The following KCNT2 variants were observed in gnomAD, a reference collection of about 807,000 sequenced individuals.
KCNT2 encodes potassium channel subfamily T member 2.
A neutral mutation model predicts 153.8 loss-of-function variants in KCNT2; 67 were observed. The observed-to-expected ratio is 0.44, with a 90% CI of 0.36 to 0.53. The LOEUF (loss-of-function observed/expected upper bound fraction) is 0.53. Ranked by LOEUF, KCNT2 falls within the 20% of genes least tolerant of loss-of-function variation. The pLI, the probability that KCNT2 is intolerant of heterozygous loss-of-function variation, is 0.00. For missense variants in KCNT2, 975 were observed against 1,354.8 expected, an observed-to-expected ratio of 0.72 and a Z score of 4.40; for synonymous variants, 500 against 458.8, an observed-to-expected ratio of 1.09 and a Z score of -1.15.
intron 16 of KCNT2, among the ~76,000 whole-genome samples, chr1:196,338,976 GAGA>G (rs1257387494): frequency 1.1e-4 from 16 of 139,158 alleles, no homozygotes; most frequent in African/African-American, 4.0e-4. Context: ...AAAAAAAAAG[GAGA>G]AGGAGAAAAA....
In KCNT2 at chr1:196,258,199, C is replaced by A. The variant is rs751522470; in HGVS notation, c.3206G>T (p.Gly1069Val). 1 of 1,613,478 alleles carries A rather than the reference C, an allele frequency of 6.2e-7. No homozygotes were observed. The highest frequency in any genetic ancestry group is 1.3e-5 in the African/African-American group (1 of 75,028). Residue 1069 changes from glycine (G) to valine (V), a missense_variant, in exon 26 of 28, where the codon GGA (glycine) becomes GTA (valine). Physicochemically the swap from Gly to Val is moderately radical, Grantham distance 109. Around this residue, in one of 6 missense-constraint regions of KCNT2, gnomAD observed 241 missense variants for 271.1 expected, o/e 0.89. Transcript: ENST00000294725. ...GTAGTTTTTAAAGAGCATACCATAT[C>A]CCACTGTAGAAAGACCCAAGTGTTT... ...RMKHLGLSTV[G>V]YDEMNDHQST...
chr1:196,436,214 G>T (rs956072006), intron 8 of KCNT2, among the ~76,000 whole-genome samples: 1 of 151,368 alleles, frequency 6.6e-6, no homozygotes, highest in East Asian at 1.9e-4. Flanking sequence ...TATTCTTTTG[G>T]TTACTGGCAA....
intron 22 of KCNT2, among the ~76,000 whole-genome samples, chr1:196,295,438 G>C (rs980814871): frequency 6.6e-6 from 1 of 150,930 alleles, no homozygotes; most frequent in Admixed American, 6.6e-5. Context: ...AACAGGCAAA[G>C]TCAACATTAA....
chr1:196,592,188 A>G (rs915805350), intron 1 of KCNT2, among the ~76,000 whole-genome samples: 3 of 152,110 alleles, frequency 2.0e-5, no homozygotes, highest in South Asian at 2.1e-4. Context: ...AGCCATAAAA[A>G]AAAATGAGAT....
At chr1:196,302,013 T>C (rs1277221436) in intron 22 of KCNT2, among the ~76,000 whole-genome samples, 3 of 152,200 alleles carry the variant, frequency 2.0e-5, no homozygotes, top group Admixed American at 6.5e-5. Context: ...GTGCTGGGAT[T>C]ACAGGTGTGA....
intron 1 of KCNT2, among the ~76,000 whole-genome samples, chr1:196,493,735 G>C (rs757090469): frequency 3.3e-5 from 5 of 151,758 alleles, no homozygotes; most frequent in Non-Finnish European, 7.4e-5. Flanking sequence ...CCCTCAACAG[G>C]GCATTTTTAA....
chr1:196,335,990 T>C (rs928973175), intron 16 of KCNT2, among the ~76,000 whole-genome samples: 3 of 152,128 alleles, frequency 2.0e-5, no homozygotes, highest in Admixed American at 2.0e-4. Flanking sequence ...CCTGGATCCC[T>C]TGATACATTT....
chr1:196,257,648 A>T, intron 26 of KCNT2: 1 of 960,424 alleles, frequency 1.0e-6, no homozygotes. Flanking sequence ...GCAATTATGG[A>T]TCATATATAG....
chr1:196,306,776 C>T (rs926324495), intron 21 of KCNT2, among the ~76,000 whole-genome samples: 2 of 151,650 alleles, frequency 1.3e-5, no homozygotes, highest in African/African-American at 4.8e-5. Flanking sequence ...CTAACACGCC[C>T]TCTTGGCCAT....
At chr1:196,452,858 C>A (rs577213261) in intron 8 of KCNT2, among the ~76,000 whole-genome samples, 8 of 151,924 alleles carry the variant, frequency 5.3e-5, no homozygotes, top group African/African-American at 1.9e-4. Flanking sequence ...TATATTTATA[C>A]CTTCAACTGA....
At chr1:196,362,681 A>T (rs1336940316) in intron 14 of KCNT2, among the ~76,000 whole-genome samples, 1 of 152,146 alleles carries the variant, frequency 6.6e-6, no homozygotes. Context: ...CCTCGAGTTA[A>T]GCTAAAATGT....
At chr1:196,593,368 T>C (rs898875771) in intron 1 of KCNT2, among the ~76,000 whole-genome samples, 1 of 150,182 alleles carries the variant, frequency 6.7e-6, no homozygotes, top group African/African-American at 2.4e-5. Flanking sequence ...ATGTATTTTT[T>C]TATTTTTTTC....
At chr1:196,549,284 G>A (rs1027326994) in intron 1 of KCNT2, among the ~76,000 whole-genome samples, 1 of 151,752 alleles carries the variant, frequency 6.6e-6, no homozygotes, top group Admixed American at 6.6e-5. Context: ...TGGACCCTAA[G>A]TATTCCAAAG....
chr1:196,520,411 T>A (rs923306119), intron 1 of KCNT2, among the ~76,000 whole-genome samples: 8 of 151,744 alleles, frequency 5.3e-5, no homozygotes, highest in Non-Finnish European at 1.2e-4. Flanking sequence ...AAAGATGTCC[T>A]CTCTCACCAC....
chr1:196,445,315 ATTGCATTTCCAAAAGAATATC>A lies in KCNT2; in HGVS notation c.639-15579_639-15559del, dbSNP rs1488930070. On this transcript the variant is annotated intron_variant, in intron 8 of 27. Transcript: ENST00000294725. ...TAATTTAAACGATTTGTACACATTTATTGCATTTCCAAAAGAATATCTTGCTAGCTGCTGCCAGATAACAAG... is the reference window on the plus strand; with the variant it reads ...TAATTTAAACGATTTGTACACATTTATTGCTAGCTGCTGCCAGATAACAAG... Among the ~76,000 whole-genome samples, 420 of 151,572 alleles carry A rather than the reference ATTGCATTTCCAAAAGAATATC, an allele frequency of 2.8e-3. 1 individual carries two copies. The highest frequency in any genetic ancestry group is 9.7e-3 in the African/African-American group (402 of 41,514).
At chr1:196,463,565 C>A (rs1677343155) in intron 8 of KCNT2, among the ~76,000 whole-genome samples, 1 of 151,614 alleles carries the variant, frequency 6.6e-6, no homozygotes, top group Non-Finnish European at 1.5e-5. Context: ...TAGATAACAT[C>A]TCAAAACCAC....
At chr1:196,295,184 CCAATTAATAATTTGT>C (rs1236629517) in intron 22 of KCNT2, among the ~76,000 whole-genome samples, 1 of 150,604 alleles carries the variant, frequency 6.6e-6, no homozygotes, top group African/African-American at 2.4e-5. Context: ...CACACTGTAC[CCAATTAATAATTTGT>C]CAATTAAAAA....
At chr1:196,436,486 C>T (rs962587271) in intron 8 of KCNT2, among the ~76,000 whole-genome samples, 10 of 151,484 alleles carry the variant, frequency 6.6e-5, no homozygotes, top group African/African-American at 2.2e-4. Flanking sequence ...TATGCACAAA[C>T]ATTAATATTA....
At chr1:196,270,461 T>TTA (rs1454434108) in intron 25 of KCNT2, among the ~76,000 whole-genome samples, 1 of 152,090 alleles carries the variant, frequency 6.6e-6, no homozygotes, top group Non-Finnish European at 1.5e-5. Context: ...TTATGCATAT[T>TTA]TATATATATT....
Sources: gnomAD v4.1 joint callset for allele counts (sites outside exome capture counted in the v4.1 genomes callset) on GRCh38, gnomAD v4.1.1 for gene constraint, gnomAD v4.1.1 regional missense constraint, MANE v1.5 for transcripts, NCBI Gene and HGNC (gene_info 2026-07-23, HGNC 2026-07-21) for gene names.